Variants in JAKMIP1 observed in about 807,000 individuals in gnomAD.
JAKMIP1 encodes janus kinase and microtubule interacting protein 1.
JAKMIP1 carries 33 observed loss-of-function variants against 113.0 expected under a neutral mutation model. The ratio of observed to expected loss-of-function variants is 0.29; its 90% CI spans 0.22 to 0.39. The LOEUF is 0.39. JAKMIP1 is among the 10% of genes least tolerant of loss of function. The pLI is 1.00. For synonymous variants in JAKMIP1, 480 were observed against 459.9 expected (o/e 1.04, Z -0.56); for missense variants, 813 against 1,080.5 (o/e 0.75, Z 3.47).
intron 2 of JAKMIP1, among the ~76,000 whole-genome samples, chr4:6,109,077 T>G (rs1428404120): frequency 6.7e-6 from 1 of 149,696 alleles, no homozygotes; most frequent in Non-Finnish European, 1.5e-5. Context: ...GAGAAACTGC[T>G]GGGTCTAGCG....
intron 1 of JAKMIP1, among the ~76,000 whole-genome samples, chr4:6,131,846 T>C (rs1053647492): frequency 2.6e-5 from 4 of 152,218 alleles, no homozygotes; most frequent in Non-Finnish European, 5.9e-5. Context: ...TAGAATTCTG[T>C]AGCCTATGAA....
At position 6,153,150 on chromosome 4, in the gene JAKMIP1, A is replaced by C. The variant is rs1042999683; in HGVS notation, c.-147-40153T>G. On this transcript the variant is annotated intron_variant, in intron 1 of 20. Coordinates refer to ENST00000409021, the MANE Select transcript of JAKMIP1 (RefSeq NM_001099433.2). This position sits in a 1 kb window ranked among gnomAD's most constrained non-coding sequence, Gnocchi z 4.9. Reference sequence around the variant, plus strand: ...CACACTTGCCAGCCAAGGCTTCAAAATCAAGCTCTACCAGACTCTCCTGGC... The same window carrying C: ...CACACTTGCCAGCCAAGGCTTCAAACTCAAGCTCTACCAGACTCTCCTGGC... Among the ~76,000 whole-genome samples, 1 of 152,102 alleles carries C rather than the reference A, an allele frequency of 6.6e-6. No individual in the cohort carries two copies. The highest frequency in any genetic ancestry group is 2.4e-5 in the African/African-American group (1 of 41,404).
At chr4:6,177,963 G>A (rs955924757) in intron 1 of JAKMIP1, among the ~76,000 whole-genome samples, 5 of 152,144 alleles carry the variant, frequency 3.3e-5, no homozygotes, top group African/African-American at 7.2e-5. Flanking sequence ...TCAATCTCAC[G>A]CTTCCACCTC....
At chr4:6,048,602 T>C (rs539267495) in intron 16 of JAKMIP1, among the ~76,000 whole-genome samples, 2 of 152,338 alleles carry the variant, frequency 1.3e-5, no homozygotes, top group African/African-American at 4.8e-5. Context: ...GGGAAACCAC[T>C]GGAAGGAAAT....
chr4:6,087,012 G>T (rs1177945617), intron 3 of JAKMIP1, among the ~76,000 whole-genome samples: 1 of 152,170 alleles, frequency 6.6e-6, no homozygotes, highest in Non-Finnish European at 1.5e-5. Flanking sequence ...GAACTGTATA[G>T]GAACACATTT....
intron 2 of JAKMIP1, among the ~76,000 whole-genome samples, chr4:6,109,041 C>T (rs1419792266): frequency 6.6e-6 from 1 of 151,904 alleles, no homozygotes; most frequent in East Asian, 1.9e-4. Context: ...ATGCCATTCT[C>T]CAATAAAAGG....
Position 6,184,229 on chromosome 4 carries a change from T to A in JAKMIP1, c.-148+16024A>T, listed in dbSNP as rs1375574277. 6.6e-6 allele frequency among the ~76,000 whole-genome samples: 1 copy of A among 152,094 alleles called. No homozygotes were observed. Among genetic ancestry groups the A allele is most frequent in the South Asian group, 2.1e-4 (1 of 4,816 alleles). On this transcript the variant is annotated intron_variant, in intron 1 of 20. Transcript: ENST00000409021. This position sits in a 1 kb window ranked among gnomAD's most constrained non-coding sequence, Gnocchi z 4.5. The stretch of plus-strand genomic sequence containing the variant: ...AGTGTATCACACTGTCCTGTGAGTA[T>A]CATCCCTTCTCAATAGGCAGAAACC...
In JAKMIP1 at chr4:6,040,457, C is replaced by T. The variant is rs1231243189; in HGVS notation, c.2175+182G>A. Among the ~76,000 whole-genome samples the T allele has an allele frequency of 1.3e-5, 2 of 152,128 alleles. No individual in the cohort carries two copies. Among genetic ancestry groups the T allele is most frequent in the African/African-American group, 2.4e-5 (1 of 41,412 alleles). On this transcript the variant is annotated intron_variant, in intron 18 of 20. Coordinates refer to ENST00000409021, the MANE Select transcript of JAKMIP1 (RefSeq NM_001099433.2). The surrounding 1 kb of genome is among the most constrained non-coding windows in gnomAD (Gnocchi z 5.8). ...TAACTTTGAATATTTTTGAAAATCA[C>T]GATTGATTTGGAAAAAGGGACAGTC...
chr4:6,047,451 C>T (rs2108763861), intron 16 of JAKMIP1, among the ~76,000 whole-genome samples: 1 of 152,338 alleles, frequency 6.6e-6, no homozygotes, highest in African/African-American at 2.4e-5. Context: ...GTGCCCCGCC[C>T]CGTGCCTGCA....
chr4:6,171,711 T>C (rs1724750990), intron 1 of JAKMIP1, among the ~76,000 whole-genome samples: 1 of 152,204 alleles, frequency 6.6e-6, no homozygotes, highest in African/African-American at 2.4e-5. Context: ...CAAAAGCTAC[T>C]GAACCCAGGA....
rs1215198284 is a variant in JAKMIP1 at position 6,042,633 on chromosome 4, C to T, written c.2029-406G>A. Among the ~76,000 whole-genome samples, 1 of 151,990 alleles carries T rather than the reference C, an allele frequency of 6.6e-6. No homozygotes were observed. Among genetic ancestry groups the T allele is most frequent in the Admixed American group, 6.5e-5 (1 of 15,272 alleles). ...CCACCCCAAGCAGTAGGCAGCGTCA[C>T]CCCTATTTTGCAGGTAAAGACATGG... On this transcript the variant is annotated intron_variant, in intron 16 of 20. Transcript: ENST00000409021. The surrounding 1 kb of genome is among the most constrained non-coding windows in gnomAD (Gnocchi z 5.2).
chr4:6,130,994 T>G (rs748426499), intron 1 of JAKMIP1, among the ~76,000 whole-genome samples: 4 of 151,702 alleles, frequency 2.6e-5, no homozygotes, highest in Admixed American at 6.6e-5. Flanking sequence ...GGCAACATGA[T>G]GAAACCCTGT....
intron 8 of JAKMIP1, among the ~76,000 whole-genome samples, chr4:6,068,354 CAGAACTATGCTGCTTTGAGGGAA>C (rs1718466505): frequency 6.6e-6 from 1 of 152,114 alleles, no homozygotes; most frequent in Admixed American, 6.5e-5. Context: ...CAAGACTCCA[CAGAACTATGCTGCTTTGAGGGAA>C]AGAGGAAGCA....
In JAKMIP1 at chr4:6,122,346, T is replaced by G. The variant is rs536436500; in HGVS notation, c.-147-9349A>C. On this transcript the variant is annotated intron_variant, in intron 1 of 20. Transcript: ENST00000409021. ...GTCTCAAATAGTAATAATAATAAAA[T>G]AGCGTAGACAAATATTTACAATCTA... Among the ~76,000 whole-genome samples, 29 of 151,580 alleles carry G rather than the reference T, an allele frequency of 1.9e-4. 2 individuals carry two copies. In the South Asian group the frequency reaches 5.8e-3, roughly 30 times the overall value.
rs1280394921 is a variant in JAKMIP1, at chr4:6,036,105, T to C, written c.2178A>G (p.Lys726=). ...ACAGTGTGGCCTCCAGGTCTTGGAT[T>C]TTCTGAGGACCCCAGATCACACAGA... ...RKQALDQAYL[K]IQDLEATLYT... Residue 726 remains lysine (K), a splice_region_variant and synonymous_variant, in exon 19 of 21, where the codon AAA becomes AAG. Coordinates refer to ENST00000409021, the MANE Select transcript of JAKMIP1 (RefSeq NM_001099433.2). The C allele has an allele frequency of 6.5e-6, 10 of 1,547,940 alleles. No homozygotes were observed. The highest frequency in any genetic ancestry group is 8.7e-6 in the Non-Finnish European group (10 of 1,143,590).
chr4:6,047,088 C>CA (rs1274033621), intron 16 of JAKMIP1, among the ~76,000 whole-genome samples: 2 of 152,230 alleles, frequency 1.3e-5, no homozygotes, highest in Non-Finnish European at 2.9e-5. Flanking sequence ...TGGATTCCGA[C>CA]AGACACTGTG....
chr4:6,115,285 C>A (rs112206143), intron 1 of JAKMIP1, among the ~76,000 whole-genome samples: 60 of 152,258 alleles, frequency 3.9e-4, no homozygotes, highest in African/African-American at 1.3e-3. Context: ...TGGTGCGCAC[C>A]TGTAATTCCA....
In JAKMIP1 at chr4:6,116,695, G is replaced by A. The variant is rs1276358484; in HGVS notation, c.-147-3698C>T. Among the ~76,000 whole-genome samples, 1 of 152,046 alleles carries A rather than the reference G, an allele frequency of 6.6e-6. No individual in the cohort carries two copies. The highest frequency in any genetic ancestry group is 1.9e-4 in the East Asian group (1 of 5,198). On this transcript the variant is annotated intron_variant, in intron 1 of 20. Coordinates refer to ENST00000409021, the MANE Select transcript of JAKMIP1 (RefSeq NM_001099433.2). This position sits in a 1 kb window ranked among gnomAD's most constrained non-coding sequence, Gnocchi z 5.1. ...TTGGCAGTGCCGGTGCCCTTTAACT[G>A]CCTACAGGAAATTAATATACCGGGC...
intron 1 of JAKMIP1, among the ~76,000 whole-genome samples, chr4:6,114,930 G>A (rs1274608459): frequency 6.6e-6 from 1 of 152,116 alleles, no homozygotes; most frequent in African/African-American, 2.4e-5. Flanking sequence ...TCCTTTCTGT[G>A]GCCACTTCTA....
Sources: allele counts gnomAD v4.1 joint callset (sites outside exome capture counted in the v4.1 genomes callset), GRCh38; gene constraint gnomAD v4.1.1; non-coding constraint Gnocchi (gnomAD v3.1); transcripts MANE v1.5; gene names NCBI Gene and HGNC (gene_info 2026-07-23, HGNC 2026-07-21).